The following LRRIQ1 variants were observed in gnomAD, a reference collection of about 807,000 sequenced individuals.
LRRIQ1 encodes leucine-rich repeat- and IQ domain-containing protein 1.
In LRRIQ1, 210 loss-of-function variants were observed where a neutral mutation model predicts 211.9. That is an observed-to-expected ratio of 0.99 (90% confidence interval 0.89 to 1.11). The LOEUF is 1.11. LRRIQ1 is among the 50% of genes most tolerant of loss of function. The probability of loss-of-function intolerance (pLI) is 0.00; values close to 1 mark genes in which losing one functional copy is unlikely to be tolerated. For synonymous variants in LRRIQ1, 699 were observed against 650.1 expected (o/e 1.08, Z -1.14); for missense variants, 2,136 against 1,939.5 (o/e 1.10, Z -1.90).
At chr12:85,201,522 G>A (rs1893293811) in intron 24 of LRRIQ1, among the ~76,000 whole-genome samples, 1 of 152,038 alleles carries the variant, frequency 6.6e-6, no homozygotes, top group African/African-American at 2.4e-5. Flanking sequence ...ATGGGTGGCT[G>A]AATGTGTCGA....
At chr12:85,154,312 T>G (rs1304153441) in intron 23 of LRRIQ1, among the ~76,000 whole-genome samples, 1 of 151,320 alleles carries the variant, frequency 6.6e-6, no homozygotes, top group Non-Finnish European at 1.5e-5. Flanking sequence ...TTTCGGCTCT[T>G]TCTTATATAC....
At chr12:85,188,585 A>C (rs1222479374) in intron 24 of LRRIQ1, among the ~76,000 whole-genome samples, 1 of 152,154 alleles carries the variant, frequency 6.6e-6, no homozygotes, top group African/African-American at 2.4e-5. Context: ...GTGTGACTGA[A>C]GCAGTAGTTA....
chr12:85,116,328 T>A (rs1432367974), intron 15 of LRRIQ1, among the ~76,000 whole-genome samples: 1 of 151,962 alleles, frequency 6.6e-6, no homozygotes, highest in African/African-American at 2.4e-5. Flanking sequence ...TTTTTTTTAG[T>A]AGAGACGGGG....
intron 25 of LRRIQ1, 34 bp from the exon 26 acceptor site, chr12:85,232,662 T>G (rs1165500616): frequency 6.4e-7 from 1 of 1,563,008 alleles, no homozygotes; most frequent in Non-Finnish European, 8.8e-7. Context: ...TACATTTACA[T>G]TATAAAATAC....
At chr12:85,077,828 TAAAC>T (rs1883827753) in intron 11 of LRRIQ1, among the ~76,000 whole-genome samples, 1 of 151,598 alleles carries the variant, frequency 6.6e-6, no homozygotes, top group Non-Finnish European at 1.5e-5. Context: ...AAAAATAAAA[TAAAC>T]AAAAAATAAG....
intron 1 of LRRIQ1, among the ~76,000 whole-genome samples, chr12:85,250,879 T>TA: frequency 1.3e-5 from 1 of 77,202 alleles, no homozygotes; most frequent in Admixed American, 1.9e-4. Context: ...ATATATTATA[T>TA]TATATATAAT....
At chr12:85,038,122 G>C in intron 1 of LRRIQ1, 31 bp from the exon 2 acceptor site, 5 of 1,328,940 alleles carry the variant, frequency 3.8e-6, no homozygotes, top group Non-Finnish European at 4.9e-6. Flanking sequence ...AATTTTTAGT[G>C]ACATATTAGC....
chr12:85,078,154 T>TA (rs1883871715), intron 11 of LRRIQ1, among the ~76,000 whole-genome samples: 1 of 152,176 alleles, frequency 6.6e-6, no homozygotes, highest in Non-Finnish European at 1.5e-5. Flanking sequence ...GTTTCTCCTT[T>TA]AATGTTTGAC....
At chr12:85,192,869 TATA>T (rs1892640713) in intron 24 of LRRIQ1, among the ~76,000 whole-genome samples, 2 of 101,184 alleles carry the variant, frequency 2.0e-5, no homozygotes, top group South Asian at 6.1e-4. Context: ...AGTTATATAT[TATA>T]ATTATACATA....
chr12:85,058,675 A>C (rs1257098358), intron 8 of LRRIQ1, among the ~76,000 whole-genome samples: 1 of 151,974 alleles, frequency 6.6e-6, no homozygotes, highest in Non-Finnish European at 1.5e-5. Flanking sequence ...ATTTACATAA[A>C]ATGATAATTA....
chr12:85,196,167 AAAT>A (rs1359394856), intron 24 of LRRIQ1, among the ~76,000 whole-genome samples: 1 of 152,108 alleles, frequency 6.6e-6, no homozygotes, highest in African/African-American at 2.4e-5. Context: ...CTGCTCAAGG[AAAT>A]AAAAGAGGAT....
chr12:85,257,079 T>C (rs1371555294), intron 1 of LRRIQ1, among the ~76,000 whole-genome samples: 3 of 115,190 alleles, frequency 2.6e-5, no homozygotes, highest in African/African-American at 1.0e-4. Flanking sequence ...TATAAATATA[T>C]ATAATTATAT....
chr12:85,199,650 A>G (rs768716855), intron 24 of LRRIQ1, among the ~76,000 whole-genome samples: 1 of 152,192 alleles, frequency 6.6e-6, no homozygotes, highest in Non-Finnish European at 1.5e-5. Flanking sequence ...CAGGATACTT[A>G]TAATCATGGT....
chr12:85,182,903 A>G (rs1222076097), intron 24 of LRRIQ1, among the ~76,000 whole-genome samples: 1 of 151,964 alleles, frequency 6.6e-6, no homozygotes, highest in Non-Finnish European at 1.5e-5. Flanking sequence ...GATCTGAAGG[A>G]GTGCTCTCCA....
At chr12:85,061,151 A>G (rs970100818) in intron 8 of LRRIQ1, among the ~76,000 whole-genome samples, 6 of 151,778 alleles carry the variant, frequency 4.0e-5, no homozygotes, top group African/African-American at 1.2e-4. Context: ...TATTTATTTT[A>G]AGAAACATTT....
Position 85,056,157 on chromosome 12 carries a change from C to T in LRRIQ1, c.1364C>T (p.Thr455Ile), listed in dbSNP as rs1177038498. The change falls in exon 8 of 27, where the codon ACT becomes ATT. Residue 455 changes from threonine to isoleucine, a missense_variant. By Grantham distance (89) the Thr-to-Ile change is moderately conservative. Transcript: ENST00000393217. ...ATGAAAGAAAATGTAGATAGACAGA[C>T]TATATTAAAAGAATCAATACAAGTA... ...SNMKENVDRQ[T>I]ILKESIQVKL... 6.3e-7 allele frequency: 1 copy of T among 1,595,828 alleles called. No homozygotes were observed. Among genetic ancestry groups the T allele is most frequent in the Non-Finnish European group, 8.5e-7 (1 of 1,174,534 alleles).
chr12:85,172,835 G>A (rs1592921384), intron 24 of LRRIQ1, among the ~76,000 whole-genome samples: 1 of 152,084 alleles, frequency 6.6e-6, no homozygotes, highest in East Asian at 1.9e-4. Flanking sequence ...TTGGCCGGGT[G>A]CAGCAGCTCA....
intron 18 of LRRIQ1, among the ~76,000 whole-genome samples, chr12:85,137,133 G>A (rs1274840639): frequency 1.3e-5 from 2 of 150,962 alleles, no homozygotes; most frequent in Admixed American, 6.6e-5. Context: ...TTAATGTAAT[G>A]TATATATTTA....
intron 24 of LRRIQ1, among the ~76,000 whole-genome samples, chr12:85,180,723 A>G (rs1891939034): frequency 6.6e-6 from 1 of 152,002 alleles, no homozygotes; most frequent in Admixed American, 6.6e-5. Context: ...ATACAAGTTC[A>G]ATGAATGTAT....
Sources: gnomAD v4.1 joint callset for allele counts (sites outside exome capture counted in the v4.1 genomes callset) on GRCh38, gnomAD v4.1.1 for gene constraint, MANE v1.5 for transcripts, NCBI Gene and HGNC (gene_info 2026-07-23, HGNC 2026-07-21) for gene names.